Variants in SGCD observed in about 807,000 individuals in gnomAD.
SGCD encodes the protein delta-sarcoglycan.
SGCD carries 18 observed loss-of-function variants against 36.6 expected under a neutral mutation model. The ratio of observed to expected loss-of-function variants is 0.49; its 90% CI spans 0.34 to 0.73. The LOEUF is 0.73. SGCD is among the 30% of genes least tolerant of loss of function. SGCD has a pLI of 0.01. For missense variants in SGCD, 387 were observed against 346.7 expected, an observed-to-expected ratio of 1.12 and a Z score of -0.92; for synonymous variants, 133 against 130.6, an observed-to-expected ratio of 1.02 and a Z score of -0.12.
chr5:155,812,814 C>T, the SGCD span, among the ~76,000 whole-genome samples: 1 of 152,098 alleles, frequency 6.6e-6, no homozygotes, highest in Non-Finnish European at 1.5e-5. Flanking sequence ...AGAAGGTCCT[C>T]AACTAGATAA....
At chr5:155,945,837 C>T (rs746207128) in intron 1 of SGCD, among the ~76,000 whole-genome samples, 9 of 152,052 alleles carry the variant, frequency 5.9e-5, no homozygotes, top group Non-Finnish European at 8.8e-5. Context: ...AAGGCAGGAG[C>T]GACTTGTTGT....
intron 1 of SGCD, among the ~76,000 whole-genome samples, chr5:156,327,458 T>G (rs1010972632): frequency 1.3e-5 from 2 of 152,220 alleles, no homozygotes; most frequent in Admixed American, 6.5e-5. Flanking sequence ...TTTTGAAAGT[T>G]AGGATTTAGC....
chr5:156,395,677 G>A (rs1771808341), intron 3 of SGCD, among the ~76,000 whole-genome samples: 1 of 152,196 alleles, frequency 6.6e-6, no homozygotes, highest in African/African-American at 2.4e-5. Context: ...CTGTGAAGAA[G>A]GTACTCCAAC....
chr5:156,579,367 C>T (rs1394050351), intron 4 of SGCD, among the ~76,000 whole-genome samples: 1 of 152,012 alleles, frequency 6.6e-6, no homozygotes, highest in Non-Finnish European at 1.5e-5. Flanking sequence ...GTGATGTGGT[C>T]CTGAGAAGAA....
intron 1 of SGCD, among the ~76,000 whole-genome samples, chr5:156,096,368 A>G (rs1413772573): frequency 6.6e-6 from 1 of 152,224 alleles, no homozygotes; most frequent in Non-Finnish European, 1.5e-5. Flanking sequence ...TTCCAGAGCT[A>G]GCAGTGGGGA....
chr5:156,752,403 T>G (rs183769933), intron 7 of SGCD, among the ~76,000 whole-genome samples: 1 of 152,002 alleles, frequency 6.6e-6, no homozygotes, highest in African/African-American at 2.4e-5. Context: ...TTTCTTTTTT[T>G]CCCCCCCAAG....
intron 1 of SGCD, among the ~76,000 whole-genome samples, chr5:156,002,669 A>G (rs1758686332): frequency 6.6e-6 from 1 of 152,120 alleles, no homozygotes; most frequent in South Asian, 2.1e-4. Flanking sequence ...CACCATCTTA[A>G]AGTATGTTAG....
intron 1 of SGCD, among the ~76,000 whole-genome samples, chr5:156,029,118 C>A (rs1347117): frequency 0.19 from 29,068 of 151,780 alleles, 3,498 homozygotes; most frequent in Admixed American, 0.35. Context: ...GAATACAAAC[C>A]GGTTCTGCAT....
Position 156,140,850 on chromosome 5 carries a change from T to C in SGCD, c.-44+16831T>C, listed in dbSNP as rs34400591. On this transcript the variant is annotated intron_variant, in intron 3 of 9. Coordinates refer to the SGCD transcript ENST00000517913. ...ATAGAAGTTAGCCCCATGCTATTCATAAAAGAGAATCAAAGAATGACTTGG... is the reference window on the plus strand; with the variant it reads ...ATAGAAGTTAGCCCCATGCTATTCACAAAAGAGAATCAAAGAATGACTTGG... Among the ~76,000 whole-genome samples the C allele has an allele frequency of 1.2e-3, 185 of 152,260 alleles. 1 individual carries two copies. The East Asian group carries it at 0.02, about 17-fold the overall frequency.
intron 3 of SGCD, among the ~76,000 whole-genome samples, chr5:156,259,487 C>A (rs1328469881): frequency 6.6e-6 from 1 of 151,150 alleles, no homozygotes; most frequent in Non-Finnish European, 1.5e-5. Flanking sequence ...AATCTTTTTT[C>A]CTTTATGGTT....
At chr5:156,229,237 TAC>T (rs1268907433) in intron 3 of SGCD, among the ~76,000 whole-genome samples, 1 of 134,686 alleles carries the variant, frequency 7.4e-6, no homozygotes. Flanking sequence ...TACATATACA[TAC>T]ATATATATAT....
chr5:156,481,816 C>T (rs528409748), intron 3 of SGCD, among the ~76,000 whole-genome samples: 11 of 152,296 alleles, frequency 7.2e-5, no homozygotes, highest in African/African-American at 2.6e-4. Flanking sequence ...AGGGTCGGAA[C>T]CCAGGGCCAA....
intron 1 of SGCD, among the ~76,000 whole-genome samples, chr5:156,042,908 G>A (rs1759673044): frequency 6.6e-6 from 1 of 152,098 alleles, no homozygotes; most frequent in African/African-American, 2.4e-5. Context: ...TCACTTAGTG[G>A]TCCTTTCATT....
chr5:155,997,590 A>G lies in SGCD; in HGVS notation c.-281-120288A>G, dbSNP rs144736497. On this transcript the variant is annotated intron_variant, in intron 1 of 9. Coordinates refer to the SGCD transcript ENST00000517913. ...GGGACATTGTTCCTCTCTTGTTTTA[A>G]GTGAGTCCTTGGCTTTTGCCAGAGA... Among the ~76,000 whole-genome samples the G allele has an allele frequency of 5.4e-4, 82 of 152,370 alleles. 1 individual carries two copies. Among genetic ancestry groups the G allele is most frequent in the African/African-American group, 1.8e-3 (76 of 41,584 alleles).
At chr5:156,314,830 G>T (rs1180475124) in intron 3 of SGCD, among the ~76,000 whole-genome samples, 2 of 151,930 alleles carry the variant, frequency 1.3e-5, no homozygotes, top group African/African-American at 4.8e-5. Flanking sequence ...GGAGGCATAA[G>T]GTGCATTCCA....
intron 3 of SGCD, among the ~76,000 whole-genome samples, chr5:156,309,918 G>A (rs758765588): frequency 6.6e-6 from 1 of 151,884 alleles, no homozygotes. Flanking sequence ...ACACTTCCCT[G>A]TTTCATTGTA....
chr5:155,909,245 G>A (rs781285795), intron 1 of SGCD, among the ~76,000 whole-genome samples: 1 of 152,076 alleles, frequency 6.6e-6, no homozygotes, highest in African/African-American at 2.4e-5. Context: ...GAATCATTAA[G>A]TGCCAGTAAT....
chr5:155,813,709 A>C, the SGCD span, among the ~76,000 whole-genome samples: 3 of 152,162 alleles, frequency 2.0e-5, no homozygotes, highest in Admixed American at 2.0e-4. Context: ...CTGCACAGAG[A>C]TTCTGCCTTG....
chr5:156,225,719 A>G (rs187392305), intron 3 of SGCD, among the ~76,000 whole-genome samples: 4 of 152,252 alleles, frequency 2.6e-5, no homozygotes. Context: ...ATTATAGAGA[A>G]TAAGAATGAA....
Sources: gnomAD v4.1 joint callset for allele counts (sites outside exome capture counted in the v4.1 genomes callset) on GRCh38, gnomAD v4.1.1 for gene constraint, MANE v1.5 for transcripts, NCBI Gene and HGNC (gene_info 2026-07-23, HGNC 2026-07-21) for gene names.